The following VPS13D variants were observed in gnomAD, a reference collection of about 807,000 sequenced individuals.
VPS13D encodes the protein intermembrane lipid transfer protein VPS13D.
A neutral mutation model predicts 461.9 loss-of-function variants in VPS13D; 187 were observed. That is an observed-to-expected ratio of 0.40 (90% CI 0.36 to 0.46). The LOEUF is 0.46. Ranked by LOEUF, VPS13D falls within the 20% of genes least tolerant of loss-of-function variation. The pLI, the probability that VPS13D is intolerant of heterozygous loss-of-function variation, is 0.60. For missense variants in VPS13D, 4,711 were observed against 5,364.9 expected (o/e 0.88, Z 3.81); for synonymous variants, 1,951 against 1,986.3 (o/e 0.98, Z 0.47).
chr1:12,438,291 A>G (rs1645087173), intron 65 of VPS13D, among the ~76,000 whole-genome samples: 1 of 152,100 alleles, frequency 6.6e-6, no homozygotes, highest in Non-Finnish European at 1.5e-5. Flanking sequence ...GACCCCAGAG[A>G]GCTAGCCCAC....
chr1:12,445,069 G>C (rs1645176266), intron 65 of VPS13D, among the ~76,000 whole-genome samples: 1 of 152,176 alleles, frequency 6.6e-6, no homozygotes, highest in South Asian at 2.1e-4. Context: ...CTAGAGGAAG[G>C]ATTCTTTTTC....
chr1:12,483,980 G>A (rs1197471643), intron 67 of VPS13D, among the ~76,000 whole-genome samples: 1 of 150,418 alleles, frequency 6.6e-6, no homozygotes, highest in African/African-American at 2.5e-5. Flanking sequence ...CTGGGCAACA[G>A]AGTGGGACTC....
Position 12,496,001 on chromosome 1 carries a change from A to C in VPS13D, c.12663-1499A>C, listed in dbSNP as rs542112919. 2.6e-3 allele frequency among the ~76,000 whole-genome samples: 398 copies of C among 152,048 alleles called. 4 individuals are homozygous for C. The highest frequency in any genetic ancestry group is 7.8e-4 in the East Asian group (4 of 5,158). On this transcript the variant is annotated intron_variant, in intron 67 of 69. Transcript: ENST00000620676. ...CTGATGGGTTAGCAGCGGCCCCTCT[A>C]CCGCCCTCCCCACTTTCGATCGATA...
Position 12,376,200 on chromosome 1 carries a change from T to A in VPS13D, c.10918-2228T>A, listed in dbSNP as rs571496507. Among the ~76,000 whole-genome samples the A allele has an allele frequency of 4.8e-3, 726 of 152,334 alleles. 6 individuals are homozygous for A. The highest frequency in any genetic ancestry group is 0.016 in the African/African-American group (682 of 41,576). On this transcript the variant is annotated intron_variant, in intron 55 of 69. Coordinates refer to ENST00000620676, the MANE Select transcript of VPS13D (RefSeq NM_015378.4). ...AACAGAGAAGCAAGCATGTGGGAAT[T>A]GGAGATGGGAAGCACAGCTTAGCTT...
intron 5 of VPS13D, among the ~76,000 whole-genome samples, chr1:12,246,956 TTGGGTGA>T (rs1177778391): frequency 1.3e-5 from 2 of 152,318 alleles, no homozygotes; most frequent in African/African-American, 4.8e-5. Context: ...GTATAGGGTT[TTGGGTGA>T]ACATGTTTTC....
rs145427300 is a variant in VPS13D, at chr1:12,349,318, T to A, written c.9375T>A (p.Ile3125=). 7.0e-4 allele frequency: 1,134 copies of A among 1,614,184 alleles called. No individual in the cohort carries two copies. Among genetic ancestry groups the A allele is most frequent in the Non-Finnish European group, 8.8e-4 (1,040 of 1,180,040 alleles). ...CCAATGTAGTGAAGACTGCAGAAAT[T>A]AGTAGCAGTAAACGAGAGTGCCACT... ...HWTNVVKTAE[I]SSSKRECHSM... is the part of the protein sequence containing the mutation. Residue 3125 remains isoleucine (I), a synonymous_variant, in exon 46 of 70, where the codon ATT becomes ATA. Transcript: ENST00000620676.
intron 65 of VPS13D, among the ~76,000 whole-genome samples, chr1:12,429,927 TA>T (rs1226289196): frequency 6.6e-6 from 1 of 152,190 alleles, no homozygotes; most frequent in African/African-American, 2.4e-5. Flanking sequence ...TTATGGGAAA[TA>T]TTTGCTTTAT....
intron 65 of VPS13D, among the ~76,000 whole-genome samples, chr1:12,447,002 C>T (rs894848541): frequency 2.0e-5 from 3 of 152,122 alleles, no homozygotes; most frequent in Non-Finnish European, 4.4e-5. Context: ...ACGTGGCCTC[C>T]GGAAAGGTCT....
In VPS13D at chr1:12,448,233, G is replaced by A. The variant is rs190554870; in HGVS notation, c.12334-7765G>A. Among the ~76,000 whole-genome samples the A allele has an allele frequency of 1.5e-3, 233 of 152,250 alleles. 4 individuals carry two copies. The highest frequency in any genetic ancestry group is 5.4e-3 in the African/African-American group (226 of 41,544). On this transcript the variant is annotated intron_variant, in intron 65 of 69. Transcript: ENST00000620676. ...CTTTTGAGAGCCTGTGTGTTTTCTT[G>A]GAGTTGAAATAAGTTATCTGCCAAA...
At chr1:12,356,781 A>C (rs1643889517) in intron 49 of VPS13D, among the ~76,000 whole-genome samples, 1 of 152,222 alleles carries the variant, frequency 6.6e-6, no homozygotes, top group Non-Finnish European at 1.5e-5. Context: ...TTTCCTATTC[A>C]TAACTCTGCC....
rs1553187933 is a variant in VPS13D at position 12,396,029 on chromosome 1, A to ATATATATATATATATATATATT, written c.11635-4152_11635-4151insTATATATATATATATATATATT. Among the ~76,000 whole-genome samples the ATATATATATATATATATATATT allele has an allele frequency of 1.6e-3, 191 of 119,778 alleles. 17 individuals are homozygous for ATATATATATATATATATATATT. The highest frequency in any genetic ancestry group is 6.0e-3 in the African/African-American group (156 of 26,136). The allele number at this position is 119,778 out of a possible 152,430, so 78.6% of individuals were successfully genotyped here. A position where few individuals can be genotyped will look rare whatever the true frequency, so the allele number is the denominator to read the frequency against. On this transcript the variant is annotated intron_variant, in intron 60 of 69. Transcript: ENST00000620676. ...TATATATATATATATATATATATAT[A>ATATATATATATATATATATATT]GTTCTTTAAGATCAATAAAATTAAT... is the stretch of plus-strand genomic sequence containing the variant.
intron 54 of VPS13D, among the ~76,000 whole-genome samples, chr1:12,370,818 A>T (rs1644105390): frequency 2.6e-5 from 4 of 152,220 alleles, no homozygotes; most frequent in Non-Finnish European, 5.9e-5. Context: ...TCCAGTAGTT[A>T]CTAAGCTCTT....
At chr1:12,403,623 TAAAC>T (rs370784756) in intron 62 of VPS13D, among the ~76,000 whole-genome samples, 198 bp from the exon 63 acceptor site, 1 of 152,214 alleles carries the variant, frequency 6.6e-6, no homozygotes, top group African/African-American at 2.4e-5. Context: ...TCTTTTTTGA[TAAAC>T]AACACAAAAC....
intron 60 of VPS13D, among the ~76,000 whole-genome samples, chr1:12,388,739 A>G (rs1252371975): frequency 6.6e-6 from 1 of 152,208 alleles, no homozygotes; most frequent in Non-Finnish European, 1.5e-5. Context: ...TAAACACCGT[A>G]ATCAAAAGGC....
At chr1:12,283,873 C>A in intron 21 of VPS13D, 137 bp downstream of exon 21, 1 of 924,296 alleles carries the variant, frequency 1.1e-6, no homozygotes, top group Non-Finnish European at 1.6e-6. Flanking sequence ...TAGGTGTTTG[C>A]TACGAAAGGT....
intron 18 of VPS13D, among the ~76,000 whole-genome samples, chr1:12,273,515 A>G (rs978483477): frequency 1.3e-5 from 2 of 152,208 alleles, no homozygotes; most frequent in Non-Finnish European, 2.9e-5. Context: ...GGACTTTTGC[A>G]TCTTCCCCGA....
intron 24 of VPS13D, among the ~76,000 whole-genome samples, chr1:12,294,796 G>A (rs1356258982): frequency 6.6e-6 from 1 of 152,164 alleles, no homozygotes; most frequent in African/African-American, 2.4e-5. Context: ...TGGCGACAGA[G>A]CGAGACTCCG....
chr1:12,282,670 A>G (rs1207623293), intron 20 of VPS13D, 35 bp from the exon 21 acceptor site: 3 of 1,558,656 alleles, frequency 1.9e-6, no homozygotes, highest in Non-Finnish European at 2.6e-6. Flanking sequence ...GCATTTAATA[A>G]TAAGAGTAAC....
At chr1:12,475,835 G>A (rs1645624162) in intron 67 of VPS13D, among the ~76,000 whole-genome samples, 1 of 152,092 alleles carries the variant, frequency 6.6e-6, no homozygotes, top group African/African-American at 2.4e-5. Flanking sequence ...CAGTCATCGT[G>A]GAGGTACTTG....
Sources: allele counts gnomAD v4.1 joint callset (sites outside exome capture counted in the v4.1 genomes callset), GRCh38; gene constraint gnomAD v4.1.1; transcripts MANE v1.5; gene names NCBI Gene and HGNC (gene_info 2026-07-23, HGNC 2026-07-21).